Variants in ZNF423 observed in about 807,000 individuals in gnomAD.
ZNF423 encodes the protein zinc finger protein 423.
In ZNF423, 12 loss-of-function variants were observed where a neutral mutation model predicts 95.8. That is an observed-to-expected ratio of 0.13 (90% confidence interval 0.08 to 0.20). ZNF423 has a LOEUF of 0.20. Among genes scored for constraint, ZNF423 ranks in the 10% least tolerant of loss-of-function variants. ZNF423 has a pLI of 1.00. For synonymous variants in ZNF423, 749 were observed against 711.9 expected (o/e 1.05, Z -0.83); for missense variants, 1,316 against 1,737.1 (o/e 0.76, Z 4.31).
chr16:49,714,269 C>G, intron 3 of ZNF423, among the ~76,000 whole-genome samples: 1 of 152,194 alleles, frequency 6.6e-6, no homozygotes, highest in Admixed American at 6.5e-5. Context: ...TCCTTATTAT[C>G]TGTTTCCCCA....
intron 3 of ZNF423, 53 bp downstream of exon 3, chr16:49,730,718 G>A (rs1207666759): frequency 3.2e-6 from 5 of 1,581,242 alleles, no homozygotes; most frequent in Non-Finnish European, 3.5e-6. Context: ...CTGTTGCTAT[G>A]TCCAATTACC....
At chr16:49,792,060 G>A (rs2034425062) in intron 1 of ZNF423, among the ~76,000 whole-genome samples, 1 of 151,054 alleles carries the variant, frequency 6.6e-6, no homozygotes, top group South Asian at 2.1e-4. Flanking sequence ...GGCTGGGAGG[G>A]GTAGGAAGGT....
At chr16:49,567,453 T>G (rs995115098) in intron 5 of ZNF423, among the ~76,000 whole-genome samples, 15 of 152,034 alleles carry the variant, frequency 9.9e-5, no homozygotes, top group Non-Finnish European at 1.9e-4. Context: ...GCTGCCCAGA[T>G]AGAATCAGGC....
chr16:49,658,464 A>G lies in ZNF423; in HGVS notation c.302-19590T>C, dbSNP rs138478153. 2.9e-3 allele frequency among the ~76,000 whole-genome samples: 447 copies of G among 152,350 alleles called. 4 individuals carry two copies. Among genetic ancestry groups the G allele is most frequent in the African/African-American group, 0.01 (419 of 41,588 alleles). On this transcript the variant is annotated intron_variant, in intron 3 of 7. Coordinates refer to ENST00000563137, the MANE Select transcript of ZNF423 (RefSeq NM_001379286.1). ...ATCCAAATCTACAACACGACAGAGGAAATTCCAATTTTCCCGATTTTCATG... is the reference window on the plus strand; with the variant it reads ...ATCCAAATCTACAACACGACAGAGGGAATTCCAATTTTCCCGATTTTCATG...
chr16:49,644,102 G>A (rs764419955), intron 3 of ZNF423, among the ~76,000 whole-genome samples: 4 of 152,226 alleles, frequency 2.6e-5, no homozygotes, highest in Admixed American at 6.5e-5. Flanking sequence ...GGTCAGAGAT[G>A]CTGGAGAAGG....
intron 2 of ZNF423, among the ~76,000 whole-genome samples, chr16:49,741,242 C>A (rs1490188883): frequency 1.3e-5 from 2 of 151,884 alleles, no homozygotes; most frequent in African/African-American, 4.8e-5. Flanking sequence ...CAGCTGTAAT[C>A]CCAGCACTTT....
chr16:49,554,485 G>T (rs1258295377), intron 5 of ZNF423, among the ~76,000 whole-genome samples: 1 of 152,090 alleles, frequency 6.6e-6, no homozygotes, highest in Non-Finnish European at 1.5e-5. Flanking sequence ...TCAACAGGGT[G>T]CTCTAAATGC....
In ZNF423 at chr16:49,638,466, C is replaced by T. The variant is rs1269407799; in HGVS notation, c.710G>A (p.Arg237His). The change falls in exon 4 of 8, where the codon CGC becomes CAC. Residue 237 changes from arginine (R) to histidine (H), a missense_variant. Coordinates refer to ENST00000563137, the MANE Select transcript of ZNF423 (RefSeq NM_001379286.1). This position sits in a 1 kb window ranked among gnomAD's most constrained non-coding sequence, Gnocchi z 5.6. The stretch of plus-strand genomic sequence containing the variant: ...CAGCGAGCTGGTGGAGGAGAAGCCG[C>T]GCTTGCACACAGTGCACTTGAAGGG... ...SKPFKCTVCK[R>H]GFSSTSSLQS... 1.4e-5 allele frequency: 22 copies of T among 1,613,748 alleles called. No individual in the cohort carries two copies. The highest frequency in any genetic ancestry group is 4.5e-5 in the East Asian group (2 of 44,870).
intron 1 of ZNF423, among the ~76,000 whole-genome samples, chr16:49,840,336 G>T (rs1275042780): frequency 3.9e-5 from 6 of 152,092 alleles, no homozygotes; most frequent in African/African-American, 1.4e-4. Flanking sequence ...CTCTTTTTGG[G>T]GGGGTGGAAC....
rs1439265088 is a variant in ZNF423 at position 49,835,053 on chromosome 16, G to A, written c.40+20682C>T. Among the ~76,000 whole-genome samples the A allele has an allele frequency of 3.9e-5, 6 of 152,160 alleles. No homozygotes were observed. In the East Asian group the frequency reaches 9.7e-4, roughly 25 times the overall value. On this transcript the variant is annotated intron_variant, in intron 1 of 7. Coordinates refer to ENST00000563137, the MANE Select transcript of ZNF423 (RefSeq NM_001379286.1). ...TGGGGGGAGTCTCAGAATCACCTCC[G>A]GATTAACACCAGGGTGGCTGAGCCT...
At chr16:49,654,076 CAT>C (rs961482304) in intron 3 of ZNF423, among the ~76,000 whole-genome samples, 3 of 152,222 alleles carry the variant, frequency 2.0e-5, no homozygotes, top group Admixed American at 6.5e-5. Context: ...ACATCTGAGA[CAT>C]AGAGAGGGCG....
At chr16:49,696,309 A>G (rs892854452) in intron 3 of ZNF423, among the ~76,000 whole-genome samples, 5 of 152,126 alleles carry the variant, frequency 3.3e-5, no homozygotes, top group African/African-American at 1.2e-4. Context: ...ATCCTCATAC[A>G]TGGGGTATTA....
At chr16:49,795,456 G>T (rs1365737844) in intron 1 of ZNF423, among the ~76,000 whole-genome samples, 1 of 152,176 alleles carries the variant, frequency 6.6e-6, no homozygotes, top group Admixed American at 6.5e-5. Context: ...AGAAAACTCT[G>T]GCCACAGAAT....
chr16:49,580,580 G>A (rs756313822), intron 5 of ZNF423, among the ~76,000 whole-genome samples: 1 of 152,162 alleles, frequency 6.6e-6, no homozygotes, highest in Non-Finnish European at 1.5e-5. Flanking sequence ...GATGAAGAAA[G>A]GAGAGCTTTG....
chr16:49,737,742 C>T (rs570366329), intron 2 of ZNF423, among the ~76,000 whole-genome samples: 3 of 152,356 alleles, frequency 2.0e-5, no homozygotes, highest in Non-Finnish European at 4.4e-5. Context: ...CCCAGCAGGG[C>T]TTCGCAAGGT....
At chr16:49,706,164 G>C (rs138164851) in intron 3 of ZNF423, among the ~76,000 whole-genome samples, 1 of 152,226 alleles carries the variant, frequency 6.6e-6, no homozygotes, top group Non-Finnish European at 1.5e-5. Flanking sequence ...GGCCACCCTA[G>C]GAAAAAAAAT....
intron 3 of ZNF423, among the ~76,000 whole-genome samples, chr16:49,721,683 G>A (rs2032870379): frequency 6.6e-6 from 1 of 152,124 alleles, no homozygotes; most frequent in Non-Finnish European, 1.5e-5. Context: ...CGCACCCTTG[G>A]AAACCAAAGA....
chr16:49,731,663 T>A (rs34034834), intron 2 of ZNF423, among the ~76,000 whole-genome samples: 15,737 of 146,354 alleles, frequency 0.11, 835 homozygotes, highest in Middle Eastern at 0.14. Context: ...AAAAAAAAAA[T>A]TTTTTTTTAA....
chr16:49,695,967 G>A (rs2031955281), intron 3 of ZNF423, among the ~76,000 whole-genome samples: 1 of 152,168 alleles, frequency 6.6e-6, no homozygotes, highest in South Asian at 2.1e-4. Context: ...AGGAAACTGA[G>A]GCACAGAGAC....
Sources: gnomAD v4.1 joint callset for allele counts (sites outside exome capture counted in the v4.1 genomes callset) on GRCh38, gnomAD v4.1.1 for gene constraint, Gnocchi (gnomAD v3.1) non-coding constraint, MANE v1.5 for transcripts, NCBI Gene and HGNC (gene_info 2026-07-23, HGNC 2026-07-21) for gene names.